Variants in TXLNB observed in about 807,000 individuals in gnomAD.
TXLNB encodes the protein beta-taxilin.
TXLNB carries 37 observed loss-of-function variants against 57.4 expected under a neutral mutation model. The observed-to-expected ratio is 0.64, with a 90% CI of 0.50 to 0.85. The LOEUF is 0.85. Ranked by LOEUF, TXLNB falls within the 40% of genes least tolerant of loss-of-function variation. The pLI is 0.00. For synonymous variants in TXLNB, 302 were observed against 309.6 expected, an observed-to-expected ratio of 0.98 and a Z score of 0.26; for missense variants, 848 against 825.6, an observed-to-expected ratio of 1.03 and a Z score of -0.33.
chr6:139,191,709 C>A, the TXLNB span, among the ~76,000 whole-genome samples: 4 of 152,196 alleles, frequency 2.6e-5, no homozygotes, highest in Admixed American at 6.5e-5. Flanking sequence ...TGGAATACTT[C>A]TGTTACTTAT....
intron 2 of TXLNB, among the ~76,000 whole-genome samples, chr6:139,282,028 C>A (rs1379378968): frequency 1.2e-4 from 18 of 151,514 alleles, no homozygotes; most frequent in African/African-American, 4.1e-4. Context: ...TGTAAACTCT[C>A]CTCCCTGTCA....
At chr6:139,170,986 C>G in the TXLNB span, among the ~76,000 whole-genome samples, 11 of 151,870 alleles carry the variant, frequency 7.2e-5, no homozygotes, top group Non-Finnish European at 1.2e-4. Context: ...CACTTTGTTT[C>G]TAGACCAGAT....
chr6:139,264,000 A>G (rs550440008), intron 4 of TXLNB, among the ~76,000 whole-genome samples: 114 of 152,324 alleles, frequency 7.5e-4, no homozygotes, highest in African/African-American at 2.6e-3. Context: ...ATATTTTATC[A>G]TTAGGTTTCT....
At chr6:139,318,367 A>C in the TXLNB span, among the ~76,000 whole-genome samples, 1 of 151,920 alleles carries the variant, frequency 6.6e-6, no homozygotes, top group African/African-American at 2.4e-5. Context: ...GAAGAGATAT[A>C]TGAAAAGTGG....
intron 4 of TXLNB, among the ~76,000 whole-genome samples, chr6:139,269,813 G>C (rs1441624424): frequency 6.6e-6 from 1 of 152,214 alleles, no homozygotes; most frequent in Non-Finnish European, 1.5e-5. Context: ...AATGGAGCTA[G>C]TGTCTCTGTG....
chr6:139,209,218 A>G, the TXLNB span, among the ~76,000 whole-genome samples: 1 of 152,200 alleles, frequency 6.6e-6, no homozygotes, highest in Non-Finnish European at 1.5e-5. Context: ...CAAACAAACA[A>G]AAACTTAGGA....
the TXLNB span, among the ~76,000 whole-genome samples, chr6:139,210,964 A>T: frequency 6.6e-6 from 1 of 152,248 alleles, no homozygotes; most frequent in African/African-American, 2.4e-5. Flanking sequence ...AGGCTTGAGT[A>T]GGTAAACAAA....
the TXLNB span, among the ~76,000 whole-genome samples, chr6:139,196,976 C>T: frequency 6.6e-6 from 1 of 152,104 alleles, no homozygotes; most frequent in African/African-American, 2.4e-5. Flanking sequence ...TTGATTCTGT[C>T]TGCAATTTTC....
At chr6:139,214,313 G>C in the TXLNB span, among the ~76,000 whole-genome samples, 3 of 152,204 alleles carry the variant, frequency 2.0e-5, no homozygotes, top group East Asian at 1.9e-4. Context: ...GGGATGCAAG[G>C]CTGGTTCAAC....
chr6:139,252,806 A>G (rs981670840), intron 7 of TXLNB, among the ~76,000 whole-genome samples: 13 of 152,220 alleles, frequency 8.5e-5, no homozygotes, highest in African/African-American at 2.9e-4. Flanking sequence ...CCTGGCTAAC[A>G]CGGTGAAACC....
chr6:139,159,215 C>G, the TXLNB span: 1 of 152,252 alleles, frequency 6.6e-6, no homozygotes, highest in African/African-American at 2.4e-5. Context: ...TCCAGGCAGG[C>G]TGGCTCTGTG....
In TXLNB at chr6:139,242,727, GGGA is replaced by G; in HGVS notation, c.1851_1853del (p.Pro618del). ...CCATCTTCTGTAGGGAGGCCTCGGTGGGAGCCTGTGGGGCCTGACCGGAAGCTT... is the reference window on the plus strand; with the variant it reads ...CCATCTTCTGTAGGGAGGCCTCGGTGGCCTGTGGGGCCTGACCGGAAGCTT... On this transcript the variant is annotated inframe_deletion, in exon 10 of 10. Coordinates refer to ENST00000358430, the MANE Select transcript of TXLNB (RefSeq NM_153235.4). 1 of 1,613,422 alleles carries G rather than the reference GGGA, an allele frequency of 6.2e-7. No individual in the cohort carries two copies. Among genetic ancestry groups the G allele is most frequent in the African/African-American group, 1.3e-5 (1 of 74,930 alleles).
the TXLNB span, among the ~76,000 whole-genome samples, chr6:139,194,578 T>C: frequency 9.4e-3 from 1,427 of 152,312 alleles, 11 homozygotes; most frequent in Middle Eastern, 0.031. Flanking sequence ...AAAATATGTT[T>C]AGAATTCAAC....
the TXLNB span, among the ~76,000 whole-genome samples, chr6:139,174,835 G>A: frequency 1.3e-5 from 2 of 152,094 alleles, no homozygotes; most frequent in Non-Finnish European, 2.9e-5. Flanking sequence ...AAAGGGAATT[G>A]CTAACCTGTT....
Position 139,255,580 on chromosome 6 carries a change from GTCTC to G in TXLNB, c.1057_1060del (p.Glu353GlnfsTer21). 6.2e-7 allele frequency: 1 copy of G among 1,613,862 alleles called. No homozygotes were observed. The highest frequency in any genetic ancestry group is 1.7e-5 in the Admixed American group (1 of 60,010). ...TGGCCTCACCTGAGCCTGCAGGACT[GTCTC>G]TTGCTCCTTCAGCACTTTCGCCTGA... is the stretch of plus-strand genomic sequence containing the variant. On this transcript the variant is annotated frameshift_variant, in exon 7 of 10. Coordinates refer to ENST00000358430, the MANE Select transcript of TXLNB (RefSeq NM_153235.4). LOFTEE classifies it high-confidence loss of function.
At chr6:139,213,779 A>C in the TXLNB span, among the ~76,000 whole-genome samples, 2 of 152,244 alleles carry the variant, frequency 1.3e-5, no homozygotes, top group African/African-American at 4.8e-5. Flanking sequence ...AACGCAATAA[A>C]AAATGACAAA....
chr6:139,323,114 C>A, the TXLNB span, among the ~76,000 whole-genome samples: 1 of 152,072 alleles, frequency 6.6e-6, no homozygotes, highest in Non-Finnish European at 1.5e-5. Context: ...TCATTTTGGA[C>A]CAGTGACTAT....
chr6:139,288,297 A>G (rs1308629550), intron 2 of TXLNB, among the ~76,000 whole-genome samples, 179 bp downstream of exon 2: 1 of 152,204 alleles, frequency 6.6e-6, no homozygotes, highest in African/African-American at 2.4e-5. Flanking sequence ...AACACACTGA[A>G]AAGTTCACCT....
chr6:139,187,093 AAT>A, the TXLNB span, among the ~76,000 whole-genome samples: 3 of 152,180 alleles, frequency 2.0e-5, no homozygotes, highest in Non-Finnish European at 2.9e-5. Context: ...GTATACTTTA[AAT>A]ATGTTTAGTT....
Sources: allele counts gnomAD v4.1 joint callset (sites outside exome capture counted in the v4.1 genomes callset), GRCh38; gene constraint gnomAD v4.1.1; transcripts MANE v1.5; gene names NCBI Gene and HGNC (gene_info 2026-07-23, HGNC 2026-07-21).